Variants in PTPN5 observed in about 807,000 individuals in gnomAD.
PTPN5 encodes the protein tyrosine-protein phosphatase non-receptor type 5.
A neutral mutation model predicts 73.9 loss-of-function variants in PTPN5; 29 were observed. That is an observed-to-expected ratio of 0.39 (90% CI 0.29 to 0.54). The LOEUF is 0.54. Ranked by LOEUF, PTPN5 falls within the 20% of genes least tolerant of loss-of-function variation. PTPN5 has a pLI of 0.65. For synonymous variants in PTPN5, 267 were observed against 304.7 expected, an observed-to-expected ratio of 0.88 and a Z score of 1.29; for missense variants, 652 against 751.4, an observed-to-expected ratio of 0.87 and a Z score of 1.55.
chr11:18,735,555 C>A (rs761510366), intron 9 of PTPN5, among the ~76,000 whole-genome samples: 4 of 152,072 alleles, frequency 2.6e-5, no homozygotes, highest in Non-Finnish European at 5.9e-5. Flanking sequence ...GTGGCTCAAG[C>A]CTGTAAGCCC....
chr11:18,783,116 G>A (rs914555611), intron 1 of PTPN5, among the ~76,000 whole-genome samples: 9 of 152,214 alleles, frequency 5.9e-5, no homozygotes, highest in Admixed American at 2.0e-4. Flanking sequence ...ATGCTGCCCC[G>A]AAGGGGCCCC....
At chr11:18,753,475 A>G (rs1291224711) in intron 3 of PTPN5, among the ~76,000 whole-genome samples, 1 of 152,226 alleles carries the variant, frequency 6.6e-6, no homozygotes, top group Non-Finnish European at 1.5e-5. Flanking sequence ...CTTTGTTCTT[A>G]GGATAAAAAC....
Position 18,729,108 on chromosome 11 carries a change from A to T in PTPN5, c.1605-81T>A, listed in dbSNP as rs1848754260. The T allele has an allele frequency of 1.4e-6, 2 of 1,456,456 alleles. No homozygotes were observed. The highest frequency in any genetic ancestry group is 2.8e-5 in the African/African-American group (2 of 71,144). The allele number at this position is 1,456,456 out of a possible 1,614,324, so 90.2% of individuals were successfully genotyped here. On this transcript the variant is annotated intron_variant, in intron 14 of 14. Transcript: ENST00000358540. This position sits in a 1 kb window ranked among gnomAD's most constrained non-coding sequence, Gnocchi z 5.2. ...GGTGCCCCAAAAGCCATGGAGTAGC[A>T]ATCACTTGCCAGGCCTTGCCCCTGT...
At position 18,729,509 on chromosome 11, in the gene PTPN5, C is replaced by G; in HGVS notation, c.1548G>C (p.Leu516=). 6.2e-7 allele frequency: 1 copy of G among 1,602,876 alleles called. No individual in the cohort carries two copies. The highest frequency in any genetic ancestry group is 8.5e-7 in the Non-Finnish European group (1 of 1,176,520). The change falls in exon 14 of 15, where the codon CTG becomes CTC. Residue 516 remains leucine (L), a synonymous_variant. Coordinates refer to ENST00000358540, the MANE Select transcript of PTPN5 (RefSeq NM_006906.2). The surrounding 1 kb of genome is among the most constrained non-coding windows in gnomAD (Gnocchi z 5.2). ...GGATGTCCACCACACCCTCCTGCCGCAGCTGCTGGCAGCAGATGCTGGTGG... is the reference window on the plus strand; with the variant it reads ...GGATGTCCACCACACCCTCCTGCCGGAGCTGCTGGCAGCAGATGCTGGTGG... ...FIATSICCQQ[L]RQEGVVDILK...
Position 18,744,159 on chromosome 11 carries a change from A to G in PTPN5, c.138T>C (p.Ala46=). The change falls in exon 4 of 15, where the codon GCT becomes GCC. Residue 46 remains alanine (A), a synonymous_variant. Coordinates refer to ENST00000358540, the MANE Select transcript of PTPN5 (RefSeq NM_006906.2). ...CTCTCTGTGAGTCCTGGAGCCCTTCAGCCTCGTCCAGTGCCTCCATCACTA... is the reference window on the plus strand; with the variant it reads ...CTCTCTGTGAGTCCTGGAGCCCTTCGGCCTCGTCCAGTGCCTCCATCACTA... The part of the protein sequence containing the change: ...QPIVMEALDE[A]EGLQDSQREM... 1 of 1,590,132 alleles carries G rather than the reference A, an allele frequency of 6.3e-7. No homozygotes were observed. The highest frequency in any genetic ancestry group is 1.4e-5 in the African/African-American group (1 of 73,178).
Position 18,742,199 on chromosome 11 carries a change from C to T in PTPN5, c.725+63G>A. On this transcript the variant is annotated intron_variant, in intron 7 of 14. Transcript: ENST00000358540. This position sits in a 1 kb window ranked among gnomAD's most constrained non-coding sequence, Gnocchi z 4.1. The stretch of plus-strand genomic sequence containing the variant: ...CAGGAGTCAGAGTCAGGCATCCACT[C>T]TTCTGATCAGGAGCTAAGAGCTCAA... 6.3e-7 allele frequency: 1 copy of T among 1,599,470 alleles called. No homozygotes were observed. The highest frequency in any genetic ancestry group is 8.5e-7 in the Non-Finnish European group (1 of 1,171,996).
intron 1 of PTPN5, among the ~76,000 whole-genome samples, chr11:18,791,179 G>A (rs1039700164): frequency 6.6e-6 from 1 of 152,212 alleles, no homozygotes; most frequent in African/African-American, 2.4e-5. Flanking sequence ...TCAGGCTCCG[G>A]AGAGGCGATG....
intron 3 of PTPN5, among the ~76,000 whole-genome samples, chr11:18,751,032 A>G (rs1448073075): frequency 6.6e-6 from 1 of 152,194 alleles, no homozygotes; most frequent in East Asian, 1.9e-4. Context: ...GGAACTGAGA[A>G]GGGCGGAGTG....
intron 3 of PTPN5, among the ~76,000 whole-genome samples, chr11:18,745,079 A>T (rs1306777823): frequency 6.6e-6 from 1 of 152,202 alleles, no homozygotes; most frequent in East Asian, 1.9e-4. Flanking sequence ...CTTAGATCTG[A>T]GCCCCTGGCT....
At chr11:18,782,167 CTG>C (rs1590621703) in intron 1 of PTPN5, among the ~76,000 whole-genome samples, 1 of 152,024 alleles carries the variant, frequency 6.6e-6, no homozygotes, top group East Asian at 1.9e-4. Context: ...ATTTAGAAAT[CTG>C]TGTGTGTATT....
chr11:18,760,599 C>T (rs1850343287), intron 3 of PTPN5, among the ~76,000 whole-genome samples: 1 of 152,248 alleles, frequency 6.6e-6, no homozygotes, highest in Non-Finnish European at 1.5e-5. Flanking sequence ...ATGGCCTACT[C>T]AGGCCTTCAG....
At chr11:18,756,584 C>T (rs1641248364) in intron 3 of PTPN5, among the ~76,000 whole-genome samples, 1 of 151,962 alleles carries the variant, frequency 6.6e-6, no homozygotes, top group Non-Finnish European at 1.5e-5. Flanking sequence ...GGCTGAGCCA[C>T]TGCACCCAGC....
intron 3 of PTPN5, among the ~76,000 whole-genome samples, chr11:18,754,224 A>G (rs77470839): frequency 6.6e-6 from 1 of 152,278 alleles, no homozygotes; most frequent in Non-Finnish European, 1.5e-5. Context: ...CCAAGGTCCA[A>G]TGGGGGAAAC....
At position 18,732,656 on chromosome 11, in the gene PTPN5, A is replaced by G. The variant is rs1157207508; in HGVS notation, c.1265T>C (p.Val422Ala). Residue 422 changes from valine to alanine, a missense_variant, in exon 12 of 15, where the codon GTT becomes GCT. By Grantham distance (64) the Val-to-Ala change is moderately conservative. Coordinates refer to ENST00000358540, the MANE Select transcript of PTPN5 (RefSeq NM_006906.2). ...WPEEQVAYDG[V>A]EITVQKVIHT... is the part of the protein sequence containing the mutation. Reference sequence around the variant, plus strand: ...AATGACTTTCTGCACAGTGATCTCAACACCGTCGTACGCCACCTGCTCCTC... The same window carrying G: ...AATGACTTTCTGCACAGTGATCTCAGCACCGTCGTACGCCACCTGCTCCTC... The G allele has an allele frequency of 6.2e-7, 1 of 1,613,800 alleles. No individual in the cohort carries two copies. The highest frequency in any genetic ancestry group is 8.5e-7 in the Non-Finnish European group (1 of 1,179,986).
chr11:18,728,810 G>T lies in PTPN5; in HGVS notation c.*124C>A. 1 of 848,972 alleles carries T rather than the reference G, an allele frequency of 1.2e-6. No homozygotes were observed. The highest frequency in any genetic ancestry group is 1.9e-6 in the Non-Finnish European group (1 of 540,052). The allele number at this position is 848,972 out of a possible 1,614,324, so 52.6% of individuals were successfully genotyped here. On this transcript the variant is annotated 3_prime_UTR_variant, in exon 15 of 15. Coordinates refer to ENST00000358540, the MANE Select transcript of PTPN5 (RefSeq NM_006906.2). The surrounding 1 kb of genome is among the most constrained non-coding windows in gnomAD (Gnocchi z 4.1). ...GTAGGGGTCAGGCCAGGCTGACAGA[G>T]GACAGAGGGAGCTGACTGAAGGGGA... is the stretch of plus-strand genomic sequence containing the variant.
upstream of PTPN5, chr11:18,792,524 G>C (rs953775351): frequency 6.6e-6 from 1 of 152,618 alleles, no homozygotes; most frequent in Non-Finnish European, 1.5e-5. Context: ...GGCACCAGGG[G>C]CCCGGACGAG....
chr11:18,730,958 G>A (rs1421127489), intron 12 of PTPN5, among the ~76,000 whole-genome samples: 1 of 152,020 alleles, frequency 6.6e-6, no homozygotes, highest in Non-Finnish European at 1.5e-5. Flanking sequence ...GCACACAAGT[G>A]TTCCATCTTC....
At chr11:18,766,557 A>C (rs1300864780) in intron 2 of PTPN5, among the ~76,000 whole-genome samples, 1 of 152,242 alleles carries the variant, frequency 6.6e-6, no homozygotes, top group Non-Finnish European at 1.5e-5. Context: ...TTCCTTCCTG[A>C]AATCAGAGAA....
At chr11:18,740,112 T>C (rs778522205) in intron 8 of PTPN5, among the ~76,000 whole-genome samples, 37 of 152,016 alleles carry the variant, frequency 2.4e-4, no homozygotes, top group Non-Finnish European at 5.0e-4. Context: ...CAAAGTCCAA[T>C]AGGAGGCAGC....
Sources: gnomAD v4.1 joint callset for allele counts (sites outside exome capture counted in the v4.1 genomes callset) on GRCh38, gnomAD v4.1.1 for gene constraint, Gnocchi (gnomAD v3.1) non-coding constraint, MANE v1.5 for transcripts, NCBI Gene and HGNC (gene_info 2026-07-23, HGNC 2026-07-21) for gene names.